The following GPR37 variants were observed in gnomAD, a reference collection of about 807,000 sequenced individuals.
The protein encoded by GPR37 is prosaposin receptor GPR37.
Under a neutral mutation model 43.6 loss-of-function variants are expected in GPR37, and 20 were observed. The observed-to-expected ratio is 0.46, with a 90% CI of 0.32 to 0.67. The LOEUF (loss-of-function observed/expected upper bound fraction) is 0.67, where lower values mean the gene tolerates loss of function less well. Among genes scored for constraint, GPR37 ranks in the 30% least tolerant of loss-of-function variants. The pLI is 0.03. For missense variants in GPR37, 724 were observed against 797.2 expected (o/e 0.91, Z 1.11); for synonymous variants, 315 against 322.6 (o/e 0.98, Z 0.25).
At chr7:124,759,500 A>G (rs1171803196) in intron 1 of GPR37, among the ~76,000 whole-genome samples, 2 of 152,216 alleles carry the variant, frequency 1.3e-5, no homozygotes, top group Non-Finnish European at 2.9e-5. Context: ...ATAAAAGCAC[A>G]CTACATATAC....
chr7:124,760,690 T>C (rs1182422403), intron 1 of GPR37, among the ~76,000 whole-genome samples: 2 of 152,216 alleles, frequency 1.3e-5, no homozygotes, highest in Admixed American at 6.5e-5. Context: ...AAGCTTGTGC[T>C]TCATACAGGT....
At chr7:124,759,377 G>T (rs543632763) in intron 1 of GPR37, among the ~76,000 whole-genome samples, 67 of 152,086 alleles carry the variant, frequency 4.4e-4, no homozygotes, top group Non-Finnish European at 7.1e-4. Context: ...CAAATTATTT[G>T]GTTTTAAACA....
chr7:124,747,180 G>C lies in GPR37; in HGVS notation c.1187C>G (p.Pro396Arg). ...IWVGALLLALPEVVLRQLSKE... is the reference protein window; with the variant it reads ...IWVGALLLALREVVLRQLSKE... ...GCTCAGCTGGCGGAGAACAACTTCT[G>C]GAAGTGCTAACAATAGAGCTCCCAC... Residue 396 changes from proline (P) to arginine (R), a missense_variant, in exon 2 of 2, where the codon CCA becomes CGA. By Grantham distance (103) the Pro-to-Arg change is moderately radical. Coordinates refer to ENST00000303921, the MANE Select transcript of GPR37 (RefSeq NM_005302.5). The C allele has an allele frequency of 6.2e-7, 1 of 1,613,936 alleles. No individual in the cohort carries two copies. The highest frequency in any genetic ancestry group is 2.2e-5 in the East Asian group (1 of 44,856).
At position 124,746,858 on chromosome 7, in the gene GPR37, A is replaced by G. The variant is rs777647717; in HGVS notation, c.1509T>C (p.Phe503=). 6.2e-7 allele frequency: 1 copy of G among 1,614,098 alleles called. No individual in the cohort carries two copies. The highest frequency in any genetic ancestry group is 8.5e-7 in the Non-Finnish European group (1 of 1,179,960). The change falls in exon 2 of 2, where the codon TTT becomes TTC. Residue 503 remains phenylalanine (F), a synonymous_variant. Transcript: ENST00000303921. The part of the protein sequence containing the change: ...TVVALTILYG[F]CIIPENICNI... The stretch of plus-strand genomic sequence containing the variant: ...TGCAGATATTTTCAGGAATAATGCA[A>G]AATCCATATAAAATGGTCAGTGCCA...
intron 1 of GPR37, 127 bp from the exon 2 acceptor site, chr7:124,747,470 G>A: frequency 3.4e-6 from 2 of 593,444 alleles, no homozygotes; most frequent in Non-Finnish European, 5.8e-6. Flanking sequence ...GAGAGAGAGA[G>A]AACAGTTTTC....
At position 124,746,805 on chromosome 7, in the gene GPR37, C is replaced by T; in HGVS notation, c.1562G>A (p.Gly521Glu). The change falls in exon 2 of 2, where the codon GGG becomes GAG. Residue 521 changes from glycine to glutamate, a missense_variant. Physicochemically the swap from Gly to Glu is moderately conservative, Grantham distance 98 (BLOSUM62 -2). This residue lies in a region of GPR37 where 342 missense variants were observed against 441.8 expected (regional missense o/e 0.77). Transcript: ENST00000303921. ...GAGGTCCATTGTCTGCTGTGAAACC[C>T]CTGTAGCCATGTAGGCAGTAACAAT... ...CNIVTAYMATGVSQQTMDLLN... is the reference protein window; with the variant it reads ...CNIVTAYMATEVSQQTMDLLN... 6.2e-7 allele frequency: 1 copy of T among 1,614,006 alleles called. No individual in the cohort carries two copies.
Position 124,764,359 on chromosome 7 carries a change from C to A in GPR37, c.618G>T (p.Gly206=), listed in dbSNP as rs1304198408. Residue 206 remains glycine, a synonymous_variant, in exon 1 of 2, where the codon GGG becomes GGT. Transcript: ENST00000303921. The surrounding 1 kb of genome is among the most constrained non-coding windows in gnomAD (Gnocchi z 5.4). ...GGAGTGCAATTGTCCACCCTTCGTG[C>A]CCCGCCAGTCCATTGGCCGTCTTGG... ...PLSKTANGLA[G]HEGWTIALPG... The A allele has an allele frequency of 5.6e-6, 9 of 1,613,352 alleles. No individual in the cohort carries two copies. Among genetic ancestry groups the A allele is most frequent in the Non-Finnish European group, 5.9e-6 (7 of 1,179,976 alleles).
At position 124,744,049 on chromosome 7, in the gene GPR37, T is replaced by C. The variant is rs1370317591; in HGVS notation, c.*2476A>G. 3 of 152,076 alleles carry C rather than the reference T, an allele frequency of 2.0e-5. No homozygotes were observed. The East Asian group carries it at 5.8e-4, about 29-fold the overall frequency. The allele number at this position is 152,076 out of a possible 1,614,324, so 9.4% of individuals were successfully genotyped here. A position where few individuals can be genotyped will look rare whatever the true frequency, so the allele number is the denominator to read the frequency against. On this transcript the variant is annotated 3_prime_UTR_variant, in exon 2 of 2. Transcript: ENST00000303921. ...TTTATACTTGGGACAATTTGAGTTA[T>C]CAAAGTTTCCACTTTGACAGAGGTA...
At chr7:124,760,458 A>T (rs1409464987) in intron 1 of GPR37, among the ~76,000 whole-genome samples, 1 of 152,222 alleles carries the variant, frequency 6.6e-6, no homozygotes, top group Non-Finnish European at 1.5e-5. Flanking sequence ...TAGGCAAATT[A>T]AAAAGTATAG....
At position 124,744,524 on chromosome 7, in the gene GPR37, C is replaced by G. The variant is rs1479880897; in HGVS notation, c.*2001G>C. ...TAGCTCTCTCCTCCTGAAGTGTCCA[C>G]TCCTCACACCATCTTTCATCAGCTC... On this transcript the variant is annotated 3_prime_UTR_variant, in exon 2 of 2. Coordinates refer to ENST00000303921, the MANE Select transcript of GPR37 (RefSeq NM_005302.5). 1.3e-5 allele frequency: 2 copies of G among 152,192 alleles called. No individual in the cohort carries two copies. The highest frequency in any genetic ancestry group is 2.9e-5 in the Non-Finnish European group (2 of 68,084). The allele number at this position is 152,192 out of a possible 1,614,324, so 9.4% of individuals were successfully genotyped here.
At chr7:124,760,045 T>C (rs1793834266) in intron 1 of GPR37, among the ~76,000 whole-genome samples, 1 of 152,054 alleles carries the variant, frequency 6.6e-6, no homozygotes, top group African/African-American at 2.4e-5. Context: ...AATTATAAAA[T>C]TCAATCATAA....
intron 1 of GPR37, among the ~76,000 whole-genome samples, chr7:124,754,189 T>G (rs1026669711): frequency 6.6e-5 from 10 of 152,130 alleles, no homozygotes; most frequent in Admixed American, 2.6e-4. Flanking sequence ...GTTTCTAATT[T>G]AAAGCAACTA....
chr7:124,753,123 G>A (rs1384970000), intron 1 of GPR37, among the ~76,000 whole-genome samples: 1 of 151,890 alleles, frequency 6.6e-6, no homozygotes, highest in East Asian at 1.9e-4. Flanking sequence ...ATAATATAGA[G>A]ATAATAGATA....
rs867790026 is a variant in GPR37, at chr7:124,764,209, C to A, written c.768G>T (p.Gln256His). ...TGACCGCGTAGGCTCCATAGGACTC[C>A]TGGGTCAGCGGGTAGAAGGGGTTCT... ...RLKNPFYPLT[Q>H]ESYGAYAVMC... Residue 256 changes from glutamine (Q) to histidine (H), a missense_variant, in exon 1 of 2, where the codon CAG becomes CAT. Transcript: ENST00000303921. This position sits in a 1 kb window ranked among gnomAD's most constrained non-coding sequence, Gnocchi z 5.4. 21 of 1,593,582 alleles carry A rather than the reference C, an allele frequency of 1.3e-5. No homozygotes were observed. The highest frequency in any genetic ancestry group is 1.8e-5 in the Non-Finnish European group (21 of 1,169,836).
chr7:124,746,982 G>A lies in GPR37; in HGVS notation c.1385C>T (p.Ser462Phe). Reference protein sequence around the residue: ...CLPTLFTITCSLVTARKIRKA... With the variant: ...CLPTLFTITCFLVTARKIRKA... Reference sequence around the variant, plus strand: ...GCGGATTTTCCTCGCAGTCACTAGAGAGCAGGTGATGGTGAAAAGCGTGGG... The same window carrying A: ...GCGGATTTTCCTCGCAGTCACTAGAAAGCAGGTGATGGTGAAAAGCGTGGG... Residue 462 changes from serine (S) to phenylalanine (F), a missense_variant, in exon 2 of 2, where the codon TCT (serine) becomes TTT (phenylalanine). Physicochemically the swap from Ser to Phe is radical, Grantham distance 155. Around this residue, in one of 2 missense-constraint regions of GPR37, gnomAD observed 342 missense variants for 441.8 expected, o/e 0.77. Transcript: ENST00000303921. 2 of 1,614,018 alleles carry A rather than the reference G, an allele frequency of 1.2e-6. No individual in the cohort carries two copies. The highest frequency in any genetic ancestry group is 1.7e-6 in the Non-Finnish European group (2 of 1,179,956).
At chr7:124,759,873 G>C (rs769949710) in intron 1 of GPR37, among the ~76,000 whole-genome samples, 3 of 152,090 alleles carry the variant, frequency 2.0e-5, no homozygotes. Flanking sequence ...ATTAGAAAAA[G>C]TATAGTTTTT....
intron 1 of GPR37, among the ~76,000 whole-genome samples, chr7:124,753,226 A>G (rs2116315859): frequency 6.6e-6 from 1 of 152,166 alleles, no homozygotes; most frequent in East Asian, 1.9e-4. Context: ...GAGAATGAAT[A>G]CTAAGGGCTT....
In GPR37 at chr7:124,744,684, A is replaced by G. The variant is rs1793650496; in HGVS notation, c.*1841T>C. The G allele has an allele frequency of 6.6e-6, 1 of 152,232 alleles. No individual in the cohort carries two copies. Among genetic ancestry groups the G allele is most frequent in the East Asian group, 1.9e-4 (1 of 5,182 alleles). The allele number at this position is 152,232 out of a possible 1,614,324, so 9.4% of individuals were successfully genotyped here. On this transcript the variant is annotated 3_prime_UTR_variant, in exon 2 of 2. Transcript: ENST00000303921. ...AGGCACCTAACAAGCCCCAGCTTAT[A>G]TCATAGTTGTCTATGTATTTATTTT...
intron 1 of GPR37, 83 bp from the exon 2 acceptor site, chr7:124,747,426 C>A: frequency 1.4e-5 from 11 of 799,770 alleles, no homozygotes; most frequent in South Asian, 5.9e-5. Context: ...ATTGGCAAAA[C>A]TGTAAAAAAA....
Sources: gnomAD v4.1 joint callset for allele counts (sites outside exome capture counted in the v4.1 genomes callset) on GRCh38, gnomAD v4.1.1 for gene constraint, gnomAD v4.1.1 regional missense constraint, Gnocchi (gnomAD v3.1) non-coding constraint, MANE v1.5 for transcripts, NCBI Gene and HGNC (gene_info 2026-07-23, HGNC 2026-07-21) for gene names.